The following BICDL1 variants were observed in gnomAD, a reference collection of about 807,000 sequenced individuals.
The protein encoded by BICDL1 is BICD family like cargo adaptor 1, also known as BICD family-like cargo adapter 1.
BICDL1 carries 20 observed loss-of-function variants against 76.8 expected under a neutral mutation model. The ratio of observed to expected loss-of-function variants is 0.26; its 90% CI spans 0.18 to 0.38. BICDL1 has a LOEUF of 0.38. BICDL1 is among the 10% of genes least tolerant of loss of function. BICDL1 has a pLI of 1.00. For missense variants in BICDL1, 700 were observed against 798.6 expected (o/e 0.88, Z 1.49); for synonymous variants, 383 against 337.1 (o/e 1.14, Z -1.49).
intron 7 of BICDL1, among the ~76,000 whole-genome samples, chr12:120,080,055 A>G (rs976539071): frequency 6.6e-6 from 1 of 152,204 alleles, no homozygotes; most frequent in Admixed American, 6.5e-5. Context: ...AAAAATGACA[A>G]TTGTCTACTG....
chr12:120,091,628 G>T, intron 9 of BICDL1: 1 of 985,138 alleles, frequency 1.0e-6, no homozygotes, highest in Non-Finnish European at 1.2e-6. Flanking sequence ...CCAGGAATGA[G>T]CTGAGTCTGA....
chr12:120,005,687 A>G (rs1301176099), intron 2 of BICDL1, among the ~76,000 whole-genome samples: 1 of 152,166 alleles, frequency 6.6e-6, no homozygotes, highest in Non-Finnish European at 1.5e-5. Context: ...TTTCATTTTA[A>G]ACAAAATGGT....
intron 2 of BICDL1, among the ~76,000 whole-genome samples, chr12:120,029,941 C>T (rs1445382437): frequency 1.3e-5 from 2 of 152,118 alleles, no homozygotes; most frequent in Non-Finnish European, 2.9e-5. Context: ...GCCACCATGC[C>T]CGGCCCAGAA....
intron 4 of BICDL1, among the ~76,000 whole-genome samples, chr12:120,065,471 C>T (rs575429860): frequency 2.6e-5 from 4 of 152,262 alleles, no homozygotes; most frequent in African/African-American, 9.6e-5. Flanking sequence ...GAACTGCTAC[C>T]GGGCCTCAGC....
chr12:119,992,880 AC>A (rs1182769146), intron 1 of BICDL1: 2 of 152,168 alleles, frequency 1.3e-5, no homozygotes, highest in African/African-American at 2.4e-5. Context: ...TGCCACTTTC[AC>A]TATTGAATAA....
intron 2 of BICDL1, among the ~76,000 whole-genome samples, chr12:120,036,501 ATTTC>A (rs780743888): frequency 1.3e-5 from 2 of 152,156 alleles, no homozygotes; most frequent in Non-Finnish European, 2.9e-5. Context: ...CTGGAATTGT[ATTTC>A]TTTCATCTGG....
At chr12:120,082,061 TC>T (rs1874034997) in intron 8 of BICDL1, among the ~76,000 whole-genome samples, 1 of 152,214 alleles carries the variant, frequency 6.6e-6, no homozygotes, top group South Asian at 2.1e-4. Flanking sequence ...AGAATCAGAC[TC>T]CGAAGCCTAC....
At chr12:120,047,364 A>C (rs560775732) in intron 2 of BICDL1, among the ~76,000 whole-genome samples, 3 of 152,292 alleles carry the variant, frequency 2.0e-5, no homozygotes, top group Non-Finnish European at 1.5e-5. Flanking sequence ...AGAAACTGAA[A>C]TGGGAGTCAG....
chr12:120,019,036 C>T (rs971940903), intron 2 of BICDL1: 1 of 142,444 alleles, frequency 7.0e-6, no homozygotes, highest in East Asian at 2.0e-4. Context: ...CAGAGCGAGA[C>T]TCCGTCTCAA....
At chr12:120,005,416 G>T (rs748408036) in intron 2 of BICDL1, among the ~76,000 whole-genome samples, 2 of 152,082 alleles carry the variant, frequency 1.3e-5, no homozygotes, top group Non-Finnish European at 2.9e-5. Flanking sequence ...CCAGAGTGCG[G>T]TGGCTGGAGT....
At chr12:120,009,213 T>C (rs1217594946) in intron 2 of BICDL1, among the ~76,000 whole-genome samples, 1 of 152,076 alleles carries the variant, frequency 6.6e-6, no homozygotes, top group Non-Finnish European at 1.5e-5. Context: ...GTCTCGATCT[T>C]CTGACTTCAT....
At chr12:120,039,656 A>AAAAAG (rs1952597927) in intron 2 of BICDL1, among the ~76,000 whole-genome samples, 1 of 151,342 alleles carries the variant, frequency 6.6e-6, no homozygotes, top group African/African-American at 2.4e-5. Flanking sequence ...AAAAAAAAAA[A>AAAAAG]AAAAGAAAAG....
At chr12:120,064,281 G>A (rs532789703) in intron 3 of BICDL1, among the ~76,000 whole-genome samples, 6 of 152,244 alleles carry the variant, frequency 3.9e-5, no homozygotes, top group South Asian at 2.1e-4. Context: ...GGGGAATCCC[G>A]GGGTGTGAAA....
In BICDL1 at chr12:120,094,234, G is replaced by C; in HGVS notation, c.*1073G>C. 2 of 456,762 alleles carry C rather than the reference G, an allele frequency of 4.4e-6. No individual in the cohort carries two copies. Among genetic ancestry groups the C allele is most frequent in the South Asian group, 3.1e-5 (2 of 64,574 alleles). 28.3% of individuals were successfully genotyped at this position (456,762 alleles called of 1,614,324 possible). A position where few individuals can be genotyped will look rare whatever the true frequency, so the allele number is the denominator to read the frequency against. On this transcript the variant is annotated 3_prime_UTR_variant, in exon 10 of 10. Coordinates refer to ENST00000548673, the MANE Select transcript of BICDL1 (RefSeq NM_001367886.1). The stretch of plus-strand genomic sequence containing the variant: ...ACTCAGAGGCTCCGCGGCCCGGCCA[G>C]CCCTCAGCTGCTCACAACCGATTCA...
intron 1 of BICDL1, among the ~76,000 whole-genome samples, chr12:119,991,956 A>G (rs911873964): frequency 6.6e-6 from 1 of 152,214 alleles, no homozygotes; most frequent in Non-Finnish European, 1.5e-5. Flanking sequence ...AACTCTTTAA[A>G]CTATTTTTTA....
intron 2 of BICDL1, among the ~76,000 whole-genome samples, chr12:120,033,859 A>G (rs552713617): frequency 1.3e-5 from 2 of 152,340 alleles, no homozygotes; most frequent in Admixed American, 1.3e-4. Context: ...GTATTACATC[A>G]GATGACACAT....
chr12:120,040,740 A>G lies in BICDL1; in HGVS notation c.646-20970A>G, dbSNP rs369245903. ...CCTATATTTCCATGTTGGAACATTT[A>G]ATAGGAAATACTTTTTTTTTTTTTT... is the stretch of plus-strand genomic sequence containing the variant. On this transcript the variant is annotated intron_variant, in intron 2 of 9. Transcript: ENST00000548673. Among the ~76,000 whole-genome samples, 15 of 149,948 alleles carry G rather than the reference A, an allele frequency of 1.0e-4. No individual in the cohort carries two copies. In the East Asian group the frequency reaches 3.0e-3, roughly 30 times the overall value.
intron 2 of BICDL1, among the ~76,000 whole-genome samples, chr12:120,058,264 C>T (rs1305762570): frequency 6.6e-6 from 1 of 152,210 alleles, no homozygotes; most frequent in Non-Finnish European, 1.5e-5. Flanking sequence ...TGCTTAACAG[C>T]TTAGGCTCTA....
chr12:120,044,647 C>A (rs918403916), intron 2 of BICDL1, among the ~76,000 whole-genome samples: 5 of 152,144 alleles, frequency 3.3e-5, no homozygotes, highest in Non-Finnish European at 7.4e-5. Flanking sequence ...TTCCCAGCAC[C>A]ATTTATTAAA....
Sources: gnomAD v4.1 joint callset for allele counts (sites outside exome capture counted in the v4.1 genomes callset) on GRCh38, gnomAD v4.1.1 for gene constraint, MANE v1.5 for transcripts, NCBI Gene and HGNC (gene_info 2026-07-23, HGNC 2026-07-21) for gene names.